The following TAF4B variants were observed in gnomAD, a reference collection of about 807,000 sequenced individuals.
The protein encoded by TAF4B is transcription initiation factor TFIID subunit 4B.
In TAF4B, 38 loss-of-function variants were observed where a neutral mutation model predicts 86.4. That is an observed-to-expected ratio of 0.44 (90% CI 0.34 to 0.58). TAF4B has a LOEUF of 0.58. TAF4B is among the 20% of genes least tolerant of loss of function. TAF4B has a pLI of 0.02. For missense variants in TAF4B, 988 were observed against 1,027.6 expected, an observed-to-expected ratio of 0.96 and a Z score of 0.53; for synonymous variants, 388 against 391.2, an observed-to-expected ratio of 0.99 and a Z score of 0.10.
rs1050804962 is a variant in TAF4B at position 26,226,865 on chromosome 18, C to T, written c.-69C>T. On this transcript the variant is annotated 5_prime_UTR_variant, in exon 1 of 15. Transcript: ENST00000269142. ...CGAACCGCACCGGAGTCGGCTGCCG[C>T]GCGCCAAGCCTCCCCTCACCTCTGC... is the stretch of plus-strand genomic sequence containing the variant. The T allele has an allele frequency of 1.6e-6, 2 of 1,240,736 alleles. No homozygotes were observed. The highest frequency in any genetic ancestry group is 1.6e-5 in the African/African-American group (1 of 62,892). 76.9% of individuals were successfully genotyped at this position (1,240,736 alleles called of 1,614,324 possible).
chr18:26,273,478 C>G (rs1050624077), intron 3 of TAF4B, among the ~76,000 whole-genome samples: 7 of 151,970 alleles, frequency 4.6e-5, no homozygotes, highest in Non-Finnish European at 1.5e-5. Context: ...CCCATATACC[C>G]CAAACCCATG....
chr18:26,238,048 T>A (rs568182276), intron 1 of TAF4B, among the ~76,000 whole-genome samples: 1 of 152,262 alleles, frequency 6.6e-6, no homozygotes, highest in South Asian at 2.1e-4. Context: ...GTTTTCCTCC[T>A]AGACCACAAA....
intron 14 of TAF4B, among the ~76,000 whole-genome samples, chr18:26,364,732 T>TATAC (rs3054580): frequency 1.3e-5 from 2 of 152,030 alleles, no homozygotes; most frequent in East Asian, 1.9e-4. Flanking sequence ...TATGAAAGTA[T>TATAC]TAAGGAATTT....
At chr18:26,284,288 G>A (rs779489276) in intron 6 of TAF4B, among the ~76,000 whole-genome samples, 2 of 152,186 alleles carry the variant, frequency 1.3e-5, no homozygotes, top group Non-Finnish European at 1.5e-5. Flanking sequence ...TTGCTTAAGG[G>A]AATGTTGTAG....
intron 9 of TAF4B, among the ~76,000 whole-genome samples, chr18:26,300,530 A>G (rs530933638): frequency 5.5e-5 from 8 of 144,578 alleles, no homozygotes; most frequent in Admixed American, 3.5e-4. Context: ...ATTTATTGGT[A>G]CAAATATTTG....
In TAF4B at chr18:26,255,187, A is replaced by T. The variant is rs558895980; in HGVS notation, c.344-9983A>T. On this transcript the variant is annotated intron_variant, in intron 1 of 14. Coordinates refer to ENST00000269142, the MANE Select transcript of TAF4B (RefSeq NM_005640.3). ...TGGTTTCATTCATTAGAAGGGGATTAAAAAAAAAAGACTTAAAGAGCACTT... is the reference window on the plus strand; with the variant it reads ...TGGTTTCATTCATTAGAAGGGGATTTAAAAAAAAAGACTTAAAGAGCACTT... Among the ~76,000 whole-genome samples, 52 of 126,786 alleles carry T rather than the reference A, an allele frequency of 4.1e-4. 2 individuals are homozygous for T. The highest frequency in any genetic ancestry group is 3.9e-3 in the Middle Eastern group (1 of 254). The allele number at this position is 126,786 out of a possible 152,430, so 83.2% of individuals were successfully genotyped here. A position where few individuals can be genotyped will look rare whatever the true frequency, so the allele number is the denominator to read the frequency against.
chr18:26,306,763 GTTATTTATTTAT>G (rs78568667), intron 9 of TAF4B, among the ~76,000 whole-genome samples: 1 of 151,108 alleles, frequency 6.6e-6, no homozygotes, highest in South Asian at 2.1e-4. Context: ...CATCACTTCA[GTTATTTATTTAT>G]TTATTTATTT....
chr18:26,276,855 CTTT>C (rs1008383706), intron 5 of TAF4B, among the ~76,000 whole-genome samples: 6 of 149,914 alleles, frequency 4.0e-5, no homozygotes, highest in Non-Finnish European at 5.9e-5. Context: ...ATATTAAAGA[CTTT>C]TTAACCACAA....
chr18:26,340,262 A>G (rs2057125816), intron 13 of TAF4B, among the ~76,000 whole-genome samples: 1 of 152,246 alleles, frequency 6.6e-6, no homozygotes, highest in Non-Finnish European at 1.5e-5. Context: ...AGAACAGCAC[A>G]GTATATTTTT....
At chr18:26,312,688 G>A (rs559791078) in intron 9 of TAF4B, among the ~76,000 whole-genome samples, 84 of 152,262 alleles carry the variant, frequency 5.5e-4, no homozygotes, top group Non-Finnish European at 1.0e-3. Flanking sequence ...CCTTGCTAGA[G>A]AAGCAAGGTG....
intron 13 of TAF4B, among the ~76,000 whole-genome samples, chr18:26,350,949 G>A (rs546864460): frequency 5.3e-5 from 8 of 152,322 alleles, no homozygotes; most frequent in African/African-American, 1.9e-4. Context: ...TATAGCCACT[G>A]TGAAGAATGG....
chr18:26,321,454 T>G (rs1237640845), intron 11 of TAF4B, among the ~76,000 whole-genome samples: 1 of 152,022 alleles, frequency 6.6e-6, no homozygotes, highest in Non-Finnish European at 1.5e-5. Flanking sequence ...AGGCTTCTCT[T>G]AAGCTTTTGA....
intron 13 of TAF4B, among the ~76,000 whole-genome samples, chr18:26,335,456 G>A (rs138995237): frequency 1.4e-3 from 210 of 152,118 alleles, no homozygotes; most frequent in Non-Finnish European, 2.5e-3. Context: ...TCTCGAAATG[G>A]GTCTTTGTAA....
rs2144403240 is a variant in TAF4B at position 26,226,862 on chromosome 18, CCG to C, written c.-66_-65del. ...ACCCGAACCGCACCGGAGTCGGCTGCCGCGCGCCAAGCCTCCCCTCACCTCTG... is the reference window on the plus strand; with the variant it reads ...ACCCGAACCGCACCGGAGTCGGCTGCCGCGCCAAGCCTCCCCTCACCTCTG... On this transcript the variant is annotated 5_prime_UTR_variant, in exon 1 of 15. It removes the in-frame stop codon of an upstream open reading frame in the 5' UTR. Coordinates refer to ENST00000269142, the MANE Select transcript of TAF4B (RefSeq NM_005640.3). 8.1e-7 allele frequency: 1 copy of C among 1,232,462 alleles called. No individual in the cohort carries two copies. Among genetic ancestry groups the C allele is most frequent in the South Asian group, 2.3e-5 (1 of 42,678 alleles). 76.3% of individuals were successfully genotyped at this position (1,232,462 alleles called of 1,614,324 possible). A position where few individuals can be genotyped will look rare whatever the true frequency, so the allele number is the denominator to read the frequency against.
chr18:26,311,185 A>G (rs934376406), intron 9 of TAF4B, among the ~76,000 whole-genome samples: 1 of 152,212 alleles, frequency 6.6e-6, no homozygotes, highest in Non-Finnish European at 1.5e-5. Flanking sequence ...AAGACAGAGT[A>G]AGAACTACCA....
Position 26,227,235 on chromosome 18 carries a change from C to A in TAF4B, c.302C>A (p.Thr101Asn). The change falls in exon 1 of 15, where the codon ACC becomes AAC. Residue 101 changes from threonine (T) to asparagine (N), a missense_variant. Coordinates refer to ENST00000269142, the MANE Select transcript of TAF4B (RefSeq NM_005640.3). ...ATAGTCGCCGTGAAAGCCCCCAACA[C>A]CACGACAATCCAGTTTCCTGCTAAT... Reference protein sequence around the residue: ...PQIVAVKAPNTTTIQFPANLQ... With the variant: ...PQIVAVKAPNNTTIQFPANLQ... 2 of 1,613,662 alleles carry A rather than the reference C, an allele frequency of 1.2e-6. No individual in the cohort carries two copies. Among genetic ancestry groups the A allele is most frequent in the Non-Finnish European group, 1.7e-6 (2 of 1,179,824 alleles).
At chr18:26,273,267 T>C (rs1252798378) in intron 3 of TAF4B, among the ~76,000 whole-genome samples, 1 of 152,204 alleles carries the variant, frequency 6.6e-6, no homozygotes. Flanking sequence ...TTTCTGTGTT[T>C]TGTGCTAATT....
intron 5 of TAF4B, among the ~76,000 whole-genome samples, chr18:26,276,223 G>A (rs950799755): frequency 2.0e-5 from 3 of 151,938 alleles, no homozygotes; most frequent in African/African-American, 4.8e-5. Flanking sequence ...CATGATGATC[G>A]TTGATGTTTA....
Position 26,286,427 on chromosome 18 carries a change from C to A in TAF4B, c.1518C>A (p.Ile506=). ...CTGTTATTGGGACTCCAGTTCAAAT[C>A]AAACTTGCCCAGCCGGGCCCTGTCC... ...DKPVIGTPVQ[I]KLAQPGPVLS... The change falls in exon 7 of 15, where the codon ATC becomes ATA. Residue 506 remains isoleucine (I), a synonymous_variant. Coordinates refer to ENST00000269142, the MANE Select transcript of TAF4B (RefSeq NM_005640.3). The A allele has an allele frequency of 1.2e-6, 2 of 1,614,174 alleles. No homozygotes were observed. The highest frequency in any genetic ancestry group is 1.7e-6 in the Non-Finnish European group (2 of 1,180,028).
Sources: allele counts gnomAD v4.1 joint callset (sites outside exome capture counted in the v4.1 genomes callset), GRCh38; gene constraint gnomAD v4.1.1; transcripts MANE v1.5; gene names NCBI Gene and HGNC (gene_info 2026-07-23, HGNC 2026-07-21).